ANKS1B: variants seen among roughly 807,000 people sequenced by gnomAD.
ANKS1B encodes the protein ankyrin repeat and sterile alpha motif domain containing 1B, also known as ankyrin repeat and sterile alpha motif domain-containing protein 1B.
ANKS1B carries 36 observed loss-of-function variants against 148.3 expected under a neutral mutation model. The ratio of observed to expected loss-of-function variants is 0.24; its 90% confidence interval spans 0.19 to 0.32. The LOEUF (loss-of-function observed/expected upper bound fraction) is 0.32, where lower values mean the gene tolerates loss of function less well. Ranked by LOEUF, ANKS1B falls within the 10% of genes least tolerant of loss-of-function variation. ANKS1B has a pLI of 1.00. For synonymous variants in ANKS1B, 542 were observed against 560.8 expected, an observed-to-expected ratio of 0.97 and a Z score of 0.47; for missense variants, 1,157 against 1,542.6, an observed-to-expected ratio of 0.75 and a Z score of 4.19.
At chr12:99,588,731 A>G (rs2097669410) in intron 9 of ANKS1B, among the ~76,000 whole-genome samples, 1 of 150,830 alleles carries the variant, frequency 6.6e-6, no homozygotes, top group Non-Finnish European at 1.5e-5. Flanking sequence ...CATATCATAC[A>G]CTAATTAAAT....
At chr12:99,175,867 G>A (rs1026313598) in intron 14 of ANKS1B, among the ~76,000 whole-genome samples, 1 of 152,092 alleles carries the variant, frequency 6.6e-6, no homozygotes, top group Admixed American at 6.5e-5. Context: ...TTACTTTTGA[G>A]ACCGAGTCCT....
At chr12:98,960,435 G>A (rs1336460551) in intron 17 of ANKS1B, among the ~76,000 whole-genome samples, 4 of 152,120 alleles carry the variant, frequency 2.6e-5, no homozygotes, top group East Asian at 3.9e-4. Flanking sequence ...TACTAGACTC[G>A]AGGTGCCCCC....
At chr12:99,866,967 T>C (rs2090839329) in intron 1 of ANKS1B, among the ~76,000 whole-genome samples, 1 of 152,154 alleles carries the variant, frequency 6.6e-6, no homozygotes, top group Non-Finnish European at 1.5e-5. Flanking sequence ...CAACTGTGTA[T>C]GTCCGGTAAT....
intron 1 of ANKS1B, among the ~76,000 whole-genome samples, chr12:99,966,844 AT>A (rs1023446964): frequency 2.0e-5 from 3 of 152,172 alleles, no homozygotes; most frequent in Non-Finnish European, 2.9e-5. Flanking sequence ...GTGGAACACA[AT>A]TTTTTTCTGT....
At chr12:99,627,249 T>A (rs779143316) in intron 9 of ANKS1B, among the ~76,000 whole-genome samples, 6 of 152,228 alleles carry the variant, frequency 3.9e-5, no homozygotes, top group Non-Finnish European at 7.3e-5. Flanking sequence ...CTTTACCTTT[T>A]TATGTTTACT....
intron 1 of ANKS1B, among the ~76,000 whole-genome samples, chr12:99,870,087 T>C (rs1236255782): frequency 6.6e-6 from 1 of 152,202 alleles, no homozygotes; most frequent in Non-Finnish European, 1.5e-5. Context: ...CAACTCTTGC[T>C]CCGCCGTCAC....
Position 99,879,883 on chromosome 12 carries a change from C to A in ANKS1B, c.135-54494G>T, listed in dbSNP as rs1360081652. The stretch of plus-strand genomic sequence containing the variant: ...GAACAAAATATGCTCCAGAGCAAAA[C>A]TCTACCCATTAACAACCAGATCATG... On this transcript the variant is annotated intron_variant, in intron 1 of 26. Coordinates refer to ENST00000683438, the MANE Select transcript of ANKS1B (RefSeq NM_001352186.2). Among the ~76,000 whole-genome samples the A allele has an allele frequency of 2.6e-5, 4 of 152,112 alleles. No homozygotes were observed. In the East Asian group the frequency reaches 7.7e-4, roughly 29 times the overall value.
At chr12:99,980,154 T>C (rs546404212) in intron 1 of ANKS1B, among the ~76,000 whole-genome samples, 1 of 151,692 alleles carries the variant, frequency 6.6e-6, no homozygotes, top group South Asian at 2.1e-4. Context: ...TCACAGGTCA[T>C]TGAAAAAAAA....
At chr12:98,817,073 T>G (rs11109615) in intron 19 of ANKS1B, among the ~76,000 whole-genome samples, 47,376 of 152,078 alleles carry the variant, frequency 0.31, 7,498 homozygotes, top group Non-Finnish European at 0.34. Context: ...TTCAGGGTAT[T>G]CAGAAATTGA....
intron 12 of ANKS1B, among the ~76,000 whole-genome samples, chr12:99,307,813 C>G (rs1385486376): frequency 6.6e-6 from 1 of 151,874 alleles, no homozygotes. Flanking sequence ...TCTAGGCCAA[C>G]CTTTTTTATT....
At chr12:98,851,721 C>T (rs950420002) in intron 17 of ANKS1B, among the ~76,000 whole-genome samples, 1 of 151,924 alleles carries the variant, frequency 6.6e-6, no homozygotes, top group Admixed American at 6.6e-5. Context: ...TTGAAGTAGA[C>T]AGGAAACCAA....
chr12:98,840,896 T>C (rs558942694), intron 17 of ANKS1B, among the ~76,000 whole-genome samples: 17 of 152,274 alleles, frequency 1.1e-4, no homozygotes, highest in African/African-American at 1.9e-4. Flanking sequence ...ATTGGGGTTA[T>C]TGAAGGAAAA....
intron 5 of ANKS1B, 110 bp from the exon 6 acceptor site, chr12:99,780,082 A>T: frequency 1.3e-6 from 1 of 778,136 alleles, no homozygotes; most frequent in South Asian, 1.6e-5. Context: ...AAGCATTGAA[A>T]GTGATTTTTA....
At chr12:99,854,204 G>A (rs2153710027) in intron 1 of ANKS1B, among the ~76,000 whole-genome samples, 1 of 152,204 alleles carries the variant, frequency 6.6e-6, no homozygotes, top group East Asian at 1.9e-4. Context: ...AGTAGAGACG[G>A]GGTTTCACTG....
At position 99,761,105 on chromosome 12, in the gene ANKS1B, A is replaced by T. The variant is rs371760928; in HGVS notation, c.1128+11817T>A. Among the ~76,000 whole-genome samples, 38 of 149,402 alleles carry T rather than the reference A, an allele frequency of 2.5e-4. No homozygotes were observed. In the South Asian group the frequency reaches 6.4e-3, roughly 25 times the overall value. On this transcript the variant is annotated intron_variant, in intron 8 of 26. Coordinates refer to ENST00000683438, the MANE Select transcript of ANKS1B (RefSeq NM_001352186.2). ...AAAACCCTGGACCAGAAGGATTTAC[A>T]GCTGAATTCTACCAGACATACAAAG...
At chr12:99,426,591 C>T (rs1439059231) in intron 11 of ANKS1B, among the ~76,000 whole-genome samples, 1 of 152,088 alleles carries the variant, frequency 6.6e-6, no homozygotes, top group Non-Finnish European at 1.5e-5. Flanking sequence ...ATTTCACAGA[C>T]TAGTAAGAGA....
chr12:99,726,168 A>G (rs1850893197), intron 8 of ANKS1B, among the ~76,000 whole-genome samples: 2 of 152,198 alleles, frequency 1.3e-5, no homozygotes, highest in African/African-American at 2.4e-5. Context: ...TAGAGACACA[A>G]AAAACCCTCA....
At chr12:99,671,790 G>A (rs1027501964) in intron 8 of ANKS1B, among the ~76,000 whole-genome samples, 19 of 152,080 alleles carry the variant, frequency 1.2e-4, no homozygotes, top group Non-Finnish European at 2.4e-4. Flanking sequence ...AAAGTAGTAT[G>A]TGGTACTACT....
intron 17 of ANKS1B, among the ~76,000 whole-genome samples, chr12:98,874,682 A>C (rs900039253): frequency 3.9e-5 from 6 of 152,200 alleles, no homozygotes; most frequent in African/African-American, 1.4e-4. Context: ...AAAATACCTG[A>C]ATATAGGGAA....
Sources: allele counts gnomAD v4.1 joint callset (sites outside exome capture counted in the v4.1 genomes callset), GRCh38; gene constraint gnomAD v4.1.1; transcripts MANE v1.5; gene names NCBI Gene and HGNC (gene_info 2026-07-23, HGNC 2026-07-21).